The following TMEM116 variants were observed in gnomAD, a reference collection of about 807,000 sequenced individuals.
TMEM116 encodes the protein transmembrane protein 116.
A neutral mutation model predicts 44.3 loss-of-function variants in TMEM116; 38 were observed. The ratio of observed to expected loss-of-function variants is 0.86; its 90% CI spans 0.66 to 1.12. The LOEUF (loss-of-function observed/expected upper bound fraction) is 1.12. Among genes scored for constraint, TMEM116 ranks in the 50% most tolerant of loss-of-function variants. The pLI is 0.00. For synonymous variants in TMEM116, 132 were observed against 144.8 expected, an observed-to-expected ratio of 0.91 and a Z score of 0.64; for missense variants, 354 against 401.7, an observed-to-expected ratio of 0.88 and a Z score of 1.01.
intron 3 of TMEM116, among the ~76,000 whole-genome samples, chr12:112,002,854 T>C (rs2077343504): frequency 6.6e-6 from 1 of 152,240 alleles, no homozygotes; most frequent in African/African-American, 2.4e-5. Context: ...CTCCCATACA[T>C]GTCCTGACCT....
chr12:111,965,179 C>T (rs952379909), intron 4 of TMEM116, among the ~76,000 whole-genome samples: 9 of 152,134 alleles, frequency 5.9e-5, no homozygotes, highest in African/African-American at 1.7e-4. Flanking sequence ...CCCAGCTCCT[C>T]CTACCCCCAT....
Position 111,999,778 on chromosome 12 carries a change from C to T in TMEM116, c.78+4022G>A, listed in dbSNP as rs374250649. Among the ~76,000 whole-genome samples the T allele has an allele frequency of 7.2e-5, 11 of 152,164 alleles. No individual in the cohort carries two copies. In the South Asian group the frequency reaches 2.3e-3, roughly 32 times the overall value. ...AAAAAATAAATAAAAGACAACCTAT[C>T]CAGCATGAATGTCCTATTGACAAAC... is the stretch of plus-strand genomic sequence containing the variant. On this transcript the variant is annotated intron_variant, in intron 3 of 10. Coordinates refer to ENST00000552374, the MANE Select transcript of TMEM116 (RefSeq NM_001193531.2).
chr12:111,934,996 T>A (rs2072014924), intron 8 of TMEM116: 2 of 152,204 alleles, frequency 1.3e-5, no homozygotes. Context: ...CTTAATCAAG[T>A]TCAGCCATGT....
At chr12:112,003,937 G>GTTT in intron 2 of TMEM116, 74 bp from the exon 3 acceptor site, 1 of 1,409,784 alleles carries the variant, frequency 7.1e-7, no homozygotes, top group East Asian at 2.9e-5. Context: ...TTAATTTTGG[G>GTTT]TTTTTTTTAC....
At chr12:111,994,398 G>A (rs1188145717) in intron 3 of TMEM116, among the ~76,000 whole-genome samples, 2 of 152,150 alleles carry the variant, frequency 1.3e-5, no homozygotes, top group South Asian at 2.1e-4. Context: ...TCGGCAGGTC[G>A]AGAAATAAAA....
In TMEM116 at chr12:111,937,140, T is replaced by C; in HGVS notation, c.449+20A>G. ...TAGGTGTAGTCTGCCATGAAAATTA[T>C]ACATTTAGTTCTTACTTACTTGTGG... On this transcript the variant is annotated intron_variant, in intron 7 of 10. Transcript: ENST00000552374. 3 of 1,591,922 alleles carry C rather than the reference T, an allele frequency of 1.9e-6. No individual in the cohort carries two copies. Among genetic ancestry groups the C allele is most frequent in the South Asian group, 1.1e-5 (1 of 90,566 alleles).
At chr12:111,951,232 T>C (rs1249475003) in intron 4 of TMEM116, among the ~76,000 whole-genome samples, 1 of 152,226 alleles carries the variant, frequency 6.6e-6, no homozygotes, top group Admixed American at 6.5e-5. Context: ...TGTAAATTAG[T>C]TCAACCATTG....
intron 5 of TMEM116, among the ~76,000 whole-genome samples, chr12:111,940,600 T>G: frequency 6.7e-6 from 1 of 150,156 alleles, no homozygotes; most frequent in Non-Finnish European, 1.5e-5. Flanking sequence ...GCTAAAGCTT[T>G]TCTTCTTGAA....
chr12:111,970,006 C>T (rs1372693824), intron 4 of TMEM116, among the ~76,000 whole-genome samples: 1 of 151,972 alleles, frequency 6.6e-6, no homozygotes, highest in Non-Finnish European at 1.5e-5. Flanking sequence ...GTGGCTCATG[C>T]CTGTAATCCT....
At chr12:111,948,700 C>T (rs576332756) in intron 4 of TMEM116, among the ~76,000 whole-genome samples, 51 of 152,100 alleles carry the variant, frequency 3.4e-4, no homozygotes, top group Non-Finnish European at 6.9e-4. Context: ...CAAATATACT[C>T]ATGCATATAT....
intron 6 of TMEM116, 63 bp from the exon 7 acceptor site, chr12:111,937,306 G>A (rs1303146227): frequency 1.6e-6 from 2 of 1,258,788 alleles, no homozygotes; most frequent in Middle Eastern, 1.9e-4. Context: ...CTCCTTTGAA[G>A]AATATTCTCC....
chr12:111,964,546 C>T (rs1183805483), intron 4 of TMEM116, among the ~76,000 whole-genome samples: 1 of 152,006 alleles, frequency 6.6e-6, no homozygotes, highest in African/African-American at 2.4e-5. Flanking sequence ...ATCAACAATC[C>T]TCAAGGTTTC....
chr12:111,995,121 C>A (rs1203616428), intron 3 of TMEM116, among the ~76,000 whole-genome samples: 1 of 152,114 alleles, frequency 6.6e-6, no homozygotes, highest in East Asian at 1.9e-4. Flanking sequence ...ATCCTGCATG[C>A]AATTTTGTAT....
intron 4 of TMEM116, among the ~76,000 whole-genome samples, chr12:111,955,882 C>A (rs111286706): frequency 0.012 from 1,784 of 152,186 alleles, 22 homozygotes; most frequent in Non-Finnish European, 0.018. Context: ...GTAGGCTATA[C>A]CATATAGCTT....
chr12:111,932,671 C>G lies in TMEM116; in HGVS notation c.734-12G>C, dbSNP rs753184319. 18 of 1,612,370 alleles carry G rather than the reference C, an allele frequency of 1.1e-5. No homozygotes were observed. Among genetic ancestry groups the G allele is most frequent in the Non-Finnish European group, 1.4e-5 (17 of 1,178,410 alleles). On this transcript the variant is annotated splice_polypyrimidine_tract_variant and intron_variant, in intron 9 of 10. Coordinates refer to ENST00000552374, the MANE Select transcript of TMEM116 (RefSeq NM_001193531.2). ...CATTAGAATGACAGCTGTGAATACA[C>G]AAAGTGTAAACCTTCTTGTCAGCCC...
chr12:111,932,213 C>T (rs1016222804), intron 10 of TMEM116, among the ~76,000 whole-genome samples: 2 of 152,158 alleles, frequency 1.3e-5, no homozygotes, highest in African/African-American at 4.8e-5. Context: ...TCACCATTCA[C>T]CAAGAATAGC....
At chr12:111,992,616 G>A (rs1273161144) in intron 3 of TMEM116, among the ~76,000 whole-genome samples, 1 of 152,086 alleles carries the variant, frequency 6.6e-6, no homozygotes, top group Non-Finnish European at 1.5e-5. Flanking sequence ...TGTGGCTGAG[G>A]ACTTAAAGAA....
chr12:111,957,923 G>A (rs2074274274), intron 4 of TMEM116, among the ~76,000 whole-genome samples: 1 of 152,216 alleles, frequency 6.6e-6, no homozygotes, highest in Admixed American at 6.5e-5. Flanking sequence ...ATTTTGTTCT[G>A]TACTAGGAAA....
chr12:111,933,821 C>A, intron 9 of TMEM116, 65 bp downstream of exon 9: 1 of 1,592,006 alleles, frequency 6.3e-7, no homozygotes, highest in South Asian at 1.1e-5. Flanking sequence ...AGTGAGACCA[C>A]TTTGCTTGAT....
Sources: allele counts gnomAD v4.1 joint callset (sites outside exome capture counted in the v4.1 genomes callset), GRCh38; gene constraint gnomAD v4.1.1; transcripts MANE v1.5; gene names NCBI Gene and HGNC (gene_info 2026-07-23, HGNC 2026-07-21).